Variants in GRHL3 observed in about 807,000 individuals in gnomAD.
GRHL3 encodes the protein grainyhead like transcription factor 3, also known as grainyhead-like protein 3 homolog.
A neutral mutation model predicts 70.3 loss-of-function variants in GRHL3; 20 were observed. The observed-to-expected ratio is 0.28, with a 90% CI of 0.20 to 0.41. The LOEUF (loss-of-function observed/expected upper bound fraction) is 0.41. Among genes scored for constraint, GRHL3 ranks in the 10% least tolerant of loss-of-function variants. GRHL3 has a pLI of 1.00. For synonymous variants in GRHL3, 299 were observed against 299.9 expected (o/e 1.00, Z 0.03); for missense variants, 637 against 762.3 (o/e 0.84, Z 1.94).
At position 24,331,620 on chromosome 1, in the gene GRHL3, T is replaced by C; in HGVS notation, c.204+8T>C. ...CTCTATGATTACTACATGGTACGTC[T>C]ACCCCCTCTGGACATGCCCCGTTTT... On this transcript the variant is annotated splice_region_variant and intron_variant, in intron 2 of 15. Transcript: ENST00000361548. 1 of 1,609,336 alleles carries C rather than the reference T, an allele frequency of 6.2e-7. No individual in the cohort carries two copies. Among genetic ancestry groups the C allele is most frequent in the Non-Finnish European group, 8.5e-7 (1 of 1,177,010 alleles).
chr1:24,363,262 A>G lies in GRHL3; in HGVS notation c.1695-923A>G, dbSNP rs146324717. ...GGGTTAGAGAGGTTTCTTGTCTTCC[A>G]CTCCTTCAGTATGCCCAGGAGAGGC... On this transcript the variant is annotated intron_variant, in intron 15 of 15. Coordinates refer to the GRHL3 transcript ENST00000350501. Among the ~76,000 whole-genome samples, 936 of 152,030 alleles carry G rather than the reference A, an allele frequency of 6.2e-3. 10 individuals carry two copies. Among genetic ancestry groups the G allele is most frequent in the African/African-American group, 0.021 (884 of 41,442 alleles).
At chr1:24,345,179 T>G (rs1275946233) in intron 12 of GRHL3, among the ~76,000 whole-genome samples, 1 of 21,494 alleles carries the variant, frequency 4.7e-5, no homozygotes. Context: ...CTGTGCCCCC[T>G]CTACACCTGT....
intron 1 of GRHL3, among the ~76,000 whole-genome samples, chr1:24,327,815 T>C (rs1000965739): frequency 3.9e-5 from 6 of 152,204 alleles, no homozygotes; most frequent in African/African-American, 1.4e-4. Flanking sequence ...AACTTATTTT[T>C]TTCCCCCTCT....
chr1:24,331,594 C>T lies in GRHL3; in HGVS notation c.186C>T (p.Phe62=). ...GDDDSVAALS[F]LYDYYMGPKE... is the part of the protein sequence containing the mutation. The stretch of plus-strand genomic sequence containing the variant: ...ATGACAGTGTTGCGGCCTTGAGCTT[C>T]CTCTATGATTACTACATGGTACGTC... The change falls in exon 2 of 16, where the codon TTC becomes TTT. Residue 62 remains phenylalanine, a synonymous_variant. Coordinates refer to ENST00000361548, the MANE Select transcript of GRHL3 (RefSeq NM_198173.3). 2 of 1,613,756 alleles carry T rather than the reference C, an allele frequency of 1.2e-6. No homozygotes were observed. The highest frequency in any genetic ancestry group is 1.7e-6 in the Non-Finnish European group (2 of 1,179,808).
intron 15 of GRHL3, among the ~76,000 whole-genome samples, chr1:24,363,237 G>A (rs1459114616): frequency 2.0e-5 from 3 of 152,194 alleles, no homozygotes; most frequent in Admixed American, 6.5e-5. Context: ...TTGGCAAGAT[G>A]GGTTAGAGAG....
chr1:24,361,826 T>G (rs1641138514), intron 15 of GRHL3, among the ~76,000 whole-genome samples: 1 of 152,178 alleles, frequency 6.6e-6, no homozygotes, highest in Non-Finnish European at 1.5e-5. Context: ...TAACTCATTC[T>G]GGGCCTCAGT....
chr1:24,328,607 A>G (rs1487779842), intron 1 of GRHL3, among the ~76,000 whole-genome samples: 1 of 152,236 alleles, frequency 6.6e-6, no homozygotes, highest in Non-Finnish European at 1.5e-5. Context: ...CAAAGCTGAT[A>G]ATGGTCAACC....
chr1:24,343,394 G>A (rs758695780), intron 11 of GRHL3: 7 of 232,092 alleles, frequency 3.0e-5, no homozygotes, highest in Admixed American at 4.8e-5. Flanking sequence ...AGGCATCACC[G>A]TCCTTACCCT....
At chr1:24,319,831 CTG>C in intron 1 of GRHL3, 1 of 1,076,884 alleles carries the variant, frequency 9.3e-7, no homozygotes, top group Non-Finnish European at 1.3e-6. Context: ...AAGACTGAAA[CTG>C]TGAAGGTTTC....
At chr1:24,343,611 C>T (rs1640133673) in intron 11 of GRHL3, among the ~76,000 whole-genome samples, 1 of 152,138 alleles carries the variant, frequency 6.6e-6, no homozygotes. Context: ...CGCCTGGCAG[C>T]CAGGAGTGGG....
At position 24,336,620 on chromosome 1, in the gene GRHL3, G is replaced by C; in HGVS notation, c.405G>C (p.Leu135Phe). 6.2e-7 allele frequency: 1 copy of C among 1,614,130 alleles called. No homozygotes were observed. The change falls in exon 4 of 16, where the codon TTG becomes TTC. Residue 135 changes from leucine (L) to phenylalanine (F), a missense_variant. Around this residue, in one of 2 missense-constraint regions of GRHL3, gnomAD observed 250 missense variants for 248.6 expected, o/e 1.01. Coordinates refer to ENST00000361548, the MANE Select transcript of GRHL3 (RefSeq NM_198173.3). ...TCAAGAAGAATAACCTGATGAGCTT[G>C]GAGGGGGCCTTGCCCACCCCTGGCA... ...DLLKKNNLMS[L>F]EGALPTPGKA...
rs1569848520 is a variant in GRHL3 at position 24,322,333 on chromosome 1, C to T, written c.17+2765C>T. On this transcript the variant is annotated intron_variant, in intron 1 of 15. Transcript: ENST00000361548. The surrounding 1 kb of genome is among the most constrained non-coding windows in gnomAD (Gnocchi z 4.4). The stretch of plus-strand genomic sequence containing the variant: ...TCGCAGTCCTGACCGCGGCCGCCGC[C>T]GCCGTTCTATCTGATCTCCAGGAGC... 6.6e-6 allele frequency among the ~76,000 whole-genome samples: 1 copy of T among 152,184 alleles called. No homozygotes were observed. Among genetic ancestry groups the T allele is most frequent in the South Asian group, 2.1e-4 (1 of 4,836 alleles).
At chr1:24,339,001 C>T (rs1639932979) in intron 7 of GRHL3, among the ~76,000 whole-genome samples, 1 of 152,214 alleles carries the variant, frequency 6.6e-6, no homozygotes, top group African/African-American at 2.4e-5. Flanking sequence ...CTTACTCCCC[C>T]TATTACTGTT....
chr1:24,322,204 C>T lies in GRHL3; in HGVS notation c.17+2636C>T, dbSNP rs1442105259. On this transcript the variant is annotated intron_variant, in intron 1 of 15. Coordinates refer to ENST00000361548, the MANE Select transcript of GRHL3 (RefSeq NM_198173.3). This position sits in a 1 kb window ranked among gnomAD's most constrained non-coding sequence, Gnocchi z 4.4. ...CTAAGGCACCGAGGCAGGAGCGTCCCCCGCGGCCTCGCTCCCTGCTCTCTG... is the reference window on the plus strand; with the variant it reads ...CTAAGGCACCGAGGCAGGAGCGTCCTCCGCGGCCTCGCTCCCTGCTCTCTG... Among the ~76,000 whole-genome samples, 2 of 152,134 alleles carry T rather than the reference C, an allele frequency of 1.3e-5. No individual in the cohort carries two copies. Among genetic ancestry groups the T allele is most frequent in the Non-Finnish European group, 2.9e-5 (2 of 67,998 alleles).
At chr1:24,328,447 T>C (rs1470966891) in intron 1 of GRHL3, among the ~76,000 whole-genome samples, 1 of 152,256 alleles carries the variant, frequency 6.6e-6, no homozygotes, top group Non-Finnish European at 1.5e-5. Flanking sequence ...AATCAGACTT[T>C]GGGATACCAA....
At position 24,331,510 on chromosome 1, in the gene GRHL3, G is replaced by C; in HGVS notation, c.102G>C (p.Thr34=). ...CTAGTGAGGATGAGGCCTGGAAGAC[G>C]TACCTAGAAAACCCGTTGACAGCTG... The part of the protein sequence containing the change: ...SYTSEDEAWK[T]YLENPLTAAT... The change falls in exon 2 of 16, where the codon ACG becomes ACC. Residue 34 remains threonine, a synonymous_variant. Coordinates refer to ENST00000361548, the MANE Select transcript of GRHL3 (RefSeq NM_198173.3). The C allele has an allele frequency of 6.2e-7, 1 of 1,614,096 alleles. No homozygotes were observed. The highest frequency in any genetic ancestry group is 1.3e-5 in the African/African-American group (1 of 75,026).
rs758789183 is a variant in GRHL3, at chr1:24,319,445, A to G, written c.-107A>G. On this transcript the variant is annotated 5_prime_UTR_variant, in exon 1 of 16. Transcript: ENST00000361548. Reference sequence around the variant, plus strand: ...AAAATCTCGACACCCAAACCTCAACATAAATCAAACACTTTCCCGGGCAGA... The same window carrying G: ...AAAATCTCGACACCCAAACCTCAACGTAAATCAAACACTTTCCCGGGCAGA... The G allele has an allele frequency of 7.2e-6, 9 of 1,248,036 alleles. No individual in the cohort carries two copies. Among genetic ancestry groups the G allele is most frequent in the Non-Finnish European group, 1.1e-5 (9 of 849,324 alleles). The allele number at this position is 1,248,036 out of a possible 1,614,324, so 77.3% of individuals were successfully genotyped here. A position where few individuals can be genotyped will look rare whatever the true frequency, so the allele number is the denominator to read the frequency against.
chr1:24,319,686 A>C, intron 1 of GRHL3, 118 bp downstream of exon 1: 1 of 1,603,114 alleles, frequency 6.2e-7, no homozygotes, highest in South Asian at 1.1e-5. Flanking sequence ...TTGTAAGGGT[A>C]AATGAATGGG....
rs531091802 is a variant in GRHL3, at chr1:24,354,560, C to G, written c.*72C>G. The G allele has an allele frequency of 4.8e-5, 44 of 922,292 alleles. No individual in the cohort carries two copies. The Middle Eastern group carries it at 7.8e-4, about 16-fold the overall frequency. 57.1% of individuals were successfully genotyped at this position (922,292 alleles called of 1,614,324 possible). A position where few individuals can be genotyped will look rare whatever the true frequency, so the allele number is the denominator to read the frequency against. On this transcript the variant is annotated 3_prime_UTR_variant, in exon 16 of 16. Transcript: ENST00000361548. ...GGACGTGGCCCCACGCCACACACAA[C>G]CTCTCCACATGCCTCAGCGCTGTTA...
Sources: gnomAD v4.1 joint callset for allele counts (sites outside exome capture counted in the v4.1 genomes callset) on GRCh38, gnomAD v4.1.1 for gene constraint, gnomAD v4.1.1 regional missense constraint, Gnocchi (gnomAD v3.1) non-coding constraint, MANE v1.5 for transcripts, NCBI Gene and HGNC (gene_info 2026-07-23, HGNC 2026-07-21) for gene names.